GALNT17: variants seen among roughly 807,000 people sequenced by gnomAD.
The protein encoded by GALNT17 is UDP-GalNAc:polypeptide N-acetylgalactosaminyltransferase-like 3.
Under a neutral mutation model 63.7 loss-of-function variants are expected in GALNT17, and 29 were observed. That is an observed-to-expected ratio of 0.46 (90% CI 0.34 to 0.62). GALNT17 has a LOEUF of 0.62. GALNT17 is among the 20% of genes least tolerant of loss of function. The pLI is 0.01. For missense variants in GALNT17, 603 were observed against 799.6 expected (o/e 0.75, Z 2.97); for synonymous variants, 305 against 318.3 (o/e 0.96, Z 0.45).
intron 5 of GALNT17, among the ~76,000 whole-genome samples, chr7:71,466,019 A>G (rs1446678525): frequency 1.3e-5 from 2 of 152,182 alleles, no homozygotes; most frequent in Non-Finnish European, 2.9e-5. Flanking sequence ...GGAAAGGTCT[A>G]GAAAGGGAAG....
chr7:71,504,252 G>T (rs879360800), intron 5 of GALNT17, among the ~76,000 whole-genome samples: 1 of 151,676 alleles, frequency 6.6e-6, no homozygotes, highest in Non-Finnish European at 1.5e-5. Flanking sequence ...AATTAGCTGG[G>T]CTTGGTGGCA....
intron 5 of GALNT17, among the ~76,000 whole-genome samples, chr7:71,428,136 A>C (rs1039132551): frequency 6.6e-6 from 1 of 152,128 alleles, no homozygotes; most frequent in African/African-American, 2.4e-5. Flanking sequence ...TAAAGTGTGA[A>C]GTTCAGTGGC....
At chr7:71,605,269 G>T (rs911645253) in intron 6 of GALNT17, among the ~76,000 whole-genome samples, 1 of 152,060 alleles carries the variant, frequency 6.6e-6, no homozygotes, top group Non-Finnish European at 1.5e-5. Flanking sequence ...GTGCCTACTA[G>T]GTTTCCGACA....
chr7:71,699,246 G>T (rs1218476939), intron 9 of GALNT17, among the ~76,000 whole-genome samples: 2 of 149,794 alleles, frequency 1.3e-5, no homozygotes, highest in African/African-American at 4.9e-5. Flanking sequence ...TCTTGAGGCC[G>T]AGGCCGGTGG....
At chr7:71,382,426 G>A (rs1792864100) in intron 2 of GALNT17, among the ~76,000 whole-genome samples, 1 of 152,020 alleles carries the variant, frequency 6.6e-6, no homozygotes, top group African/African-American at 2.4e-5. Flanking sequence ...AGTGTCCCAG[G>A]GCCTGAAAGT....
chr7:71,514,829 C>G (rs1788420018), intron 5 of GALNT17, among the ~76,000 whole-genome samples: 1 of 152,186 alleles, frequency 6.6e-6, no homozygotes, highest in African/African-American at 2.4e-5. Context: ...TATGGTTTGG[C>G]TGTGTCCCCA....
intron 3 of GALNT17, among the ~76,000 whole-genome samples, chr7:71,412,209 G>A (rs1355674915): frequency 6.6e-6 from 1 of 152,156 alleles, no homozygotes; most frequent in Non-Finnish European, 1.5e-5. Context: ...GGAGGCTGAG[G>A]CAGGAGGATT....
intron 5 of GALNT17, among the ~76,000 whole-genome samples, chr7:71,443,754 C>T (rs1159884787): frequency 1.3e-5 from 2 of 149,096 alleles, no homozygotes; most frequent in Non-Finnish European, 3.0e-5. Flanking sequence ...GATAGAGTTT[C>T]GCTCTTGTTG....
At chr7:71,485,381 G>A (rs1202612618) in intron 5 of GALNT17, among the ~76,000 whole-genome samples, 1 of 152,244 alleles carries the variant, frequency 6.6e-6, no homozygotes, top group East Asian at 1.9e-4. Flanking sequence ...ACAGGTGTGA[G>A]CCACCACACT....
intron 1 of GALNT17, among the ~76,000 whole-genome samples, chr7:71,240,697 C>T (rs889078748): frequency 3.4e-5 from 5 of 148,066 alleles, no homozygotes; most frequent in African/African-American, 7.6e-5. Flanking sequence ...GATGGAGTCT[C>T]GCTGTCGCCC....
At chr7:71,512,654 G>C (rs1788380275) in intron 5 of GALNT17, among the ~76,000 whole-genome samples, 1 of 152,312 alleles carries the variant, frequency 6.6e-6, no homozygotes, top group African/African-American at 2.4e-5. Flanking sequence ...ATTTTTCAGG[G>C]CTCTCTGGTC....
At chr7:71,155,858 C>T (rs1285825755) in intron 1 of GALNT17, among the ~76,000 whole-genome samples, 1 of 151,780 alleles carries the variant, frequency 6.6e-6, no homozygotes, top group Non-Finnish European at 1.5e-5. Context: ...TAACAGAGGA[C>T]ACAATTCAAT....
At chr7:71,504,266 G>A (rs1250774274) in intron 5 of GALNT17, among the ~76,000 whole-genome samples, 6 of 151,110 alleles carry the variant, frequency 4.0e-5, no homozygotes, top group Non-Finnish European at 5.9e-5. Context: ...GGTGGCAGAC[G>A]TCTGTAATCC....
rs978031213 is a variant in GALNT17, at chr7:71,446,330, C to T, written c.962+25225C>T. 5.3e-5 allele frequency among the ~76,000 whole-genome samples: 8 copies of T among 152,050 alleles called. No individual in the cohort carries two copies. In the East Asian group the frequency reaches 9.6e-4, roughly 18 times the overall value. On this transcript the variant is annotated intron_variant, in intron 5 of 10. Transcript: ENST00000333538. ...ATATTCACTGTAAAAATCAAAAATA[C>T]AAAAGATCATTAGATAATCACTGAT...
chr7:71,690,756 G>A (rs1051390732), intron 9 of GALNT17, among the ~76,000 whole-genome samples: 1 of 152,174 alleles, frequency 6.6e-6, no homozygotes, highest in African/African-American at 2.4e-5. Flanking sequence ...CAAGGCTTCA[G>A]TGGAGGAAGG....
At chr7:71,195,929 A>G (rs1202656) in intron 1 of GALNT17, among the ~76,000 whole-genome samples, 54,217 of 151,668 alleles carry the variant, frequency 0.36, 11,379 homozygotes, top group East Asian at 0.57. Flanking sequence ...CCAGCCCCCA[A>G]TAAAAATCTT....
intron 2 of GALNT17, among the ~76,000 whole-genome samples, chr7:71,376,728 G>A (rs10279155): frequency 0.14 from 20,506 of 151,656 alleles, 1,692 homozygotes; most frequent in East Asian, 0.39. Context: ...CAGGCAAGAG[G>A]ATTGATTGAG....
At chr7:71,518,502 C>G (rs1433111207) in intron 5 of GALNT17, among the ~76,000 whole-genome samples, 1 of 152,150 alleles carries the variant, frequency 6.6e-6, no homozygotes, top group Admixed American at 6.5e-5. Context: ...GCGATTTAAG[C>G]AGGATGCCAT....
intron 2 of GALNT17, among the ~76,000 whole-genome samples, chr7:71,343,764 C>G (rs989172859): frequency 2.0e-5 from 3 of 152,146 alleles, no homozygotes; most frequent in African/African-American, 7.2e-5. Context: ...TTCCAAAGAT[C>G]TGTCCCTCTT....
Sources: allele counts gnomAD v4.1 joint callset (sites outside exome capture counted in the v4.1 genomes callset), GRCh38; gene constraint gnomAD v4.1.1; transcripts MANE v1.5; gene names NCBI Gene and HGNC (gene_info 2026-07-23, HGNC 2026-07-21).